The following FAT1 variants were observed in gnomAD, a reference collection of about 807,000 sequenced individuals.
FAT1 encodes FAT atypical cadherin 1, also known as protocadherin Fat 1.
A neutral mutation model predicts 329.8 loss-of-function variants in FAT1; 171 were observed. The observed-to-expected ratio is 0.52, with a 90% confidence interval of 0.46 to 0.59. The LOEUF (loss-of-function observed/expected upper bound fraction) is 0.59, where lower values mean the gene tolerates loss of function less well. FAT1 is among the 20% of genes least tolerant of loss of function. The pLI is 0.00. For missense variants in FAT1, 5,672 were observed against 5,774.4 expected (o/e 0.98, Z 0.57); for synonymous variants, 2,233 against 2,228.6 (o/e 1.00, Z -0.06).
rs189343266 is a variant in FAT1 at position 186,588,884 on chromosome 4, T to C, written c.13475A>G (p.Asn4492Ser). 75 of 1,613,872 alleles carry C rather than the reference T, an allele frequency of 4.6e-5. No individual in the cohort carries two copies. The African/African-American group carries it at 6.8e-4, about 15-fold the overall frequency. ...TTCAGACATATCGAGGGGATAAAAA[T>C]TGGGCAAATACTGATTCAAGTTGAA... ...QRFNLNQYLPNFYPLDMSEPQ... is the reference protein window; with the variant it reads ...QRFNLNQYLPSFYPLDMSEPQ... The change falls in exon 27 of 27, where the codon AAT becomes AGT. Residue 4492 changes from asparagine to serine, a missense_variant. Transcript: ENST00000441802.
At position 186,628,758 on chromosome 4, in the gene FAT1, G is replaced by A. The variant is rs2126545636; in HGVS notation, c.4329C>T (p.Phe1443=). ...DGTTTILTQV[F]IKVIDTNDHR... ...GGTCATTTGTGTCTATTACTTTGAT[G>A]AATACCTGTAATGGATGACAAAATG... is the stretch of plus-strand genomic sequence containing the variant. Residue 1443 remains phenylalanine (F), a synonymous_variant, in exon 8 of 27, where the codon TTC becomes TTT. Transcript: ENST00000441802. 2 of 1,611,948 alleles carry A rather than the reference G, an allele frequency of 1.2e-6. No homozygotes were observed. Among genetic ancestry groups the A allele is most frequent in the Non-Finnish European group, 1.7e-6 (2 of 1,179,330 alleles).
rs758955132 is a variant in FAT1 at position 186,588,612 on chromosome 4, G to A, written c.13747C>T (p.Gln4583Ter). Residue 4583 changes from glutamine to a stop codon, truncating the protein, a stop_gained, in exon 27 of 27, where the codon CAG (glutamine) becomes TAG (stop). Coordinates refer to ENST00000441802, the MANE Select transcript of FAT1 (RefSeq NM_005245.4). LOFTEE classifies it high-confidence loss of function. ...GAGAGTCAGACTTCCGTGTGCTGCT[G>A]GGAATCCAGGGGCGGGATCGTCACC... Reference protein sequence around the residue: ...EEVTIPPLDSQQHTEV With the variant: ...EEVTIPPLDS The A allele has an allele frequency of 1.2e-6, 2 of 1,612,348 alleles. No homozygotes were observed. The highest frequency in any genetic ancestry group is 1.3e-5 in the African/African-American group (1 of 75,022).
rs377022082 is a variant in FAT1 at position 186,720,532 on chromosome 4, AT to A, written c.-19+3131del. 9.6e-4 allele frequency among the ~76,000 whole-genome samples: 146 copies of A among 152,220 alleles called. 5 individuals carry two copies. The East Asian group carries it at 0.025, about 26-fold the overall frequency. On this transcript the variant is annotated intron_variant, in intron 1 of 26. Transcript: ENST00000441802. ...CCTCTGCTTGAATTGTTCCCCTCTG[AT>A]TCACACTTCCCTCAGAACTCACATT...
intron 3 of FAT1, among the ~76,000 whole-genome samples, chr4:186,655,241 T>C (rs772795418): frequency 3.9e-5 from 6 of 152,332 alleles, no homozygotes; most frequent in Admixed American, 3.9e-4. Context: ...ACTTTTCTGA[T>C]AAATTTATTT....
At chr4:186,674,309 G>C (rs1742853282) in intron 2 of FAT1, among the ~76,000 whole-genome samples, 1 of 152,196 alleles carries the variant, frequency 6.6e-6, no homozygotes, top group Admixed American at 6.5e-5. Flanking sequence ...TCATCTTAGA[G>C]CTTTACATCT....
At chr4:186,674,832 G>A (rs758551361) in intron 2 of FAT1, among the ~76,000 whole-genome samples, 6 of 152,002 alleles carry the variant, frequency 3.9e-5, no homozygotes, top group African/African-American at 1.2e-4. Context: ...CCAAGAGTTC[G>A]AGTACAGCCT....
rs1464116358 is a variant in FAT1 at position 186,621,573 on chromosome 4, T to C, written c.5013A>G (p.Glu1671=). Reference sequence around the variant, plus strand: ...CAGTTTCACTAAGTTCAACAGAATATTCTTTTGATGTAAACTTCGGAGAGG... The same window carrying C: ...CAGTTTCACTAAGTTCAACAGAATACTCTTTTGATGTAAACTTCGGAGAGG... ...DNASPKFTSK[E]YSVELSETVS... Residue 1671 remains glutamate, a synonymous_variant, in exon 10 of 27, where the codon GAA becomes GAG. Coordinates refer to ENST00000441802, the MANE Select transcript of FAT1 (RefSeq NM_005245.4). 6.2e-7 allele frequency: 1 copy of C among 1,613,892 alleles called. No individual in the cohort carries two copies. Among genetic ancestry groups the C allele is most frequent in the Non-Finnish European group, 8.5e-7 (1 of 1,179,902 alleles).
chr4:186,667,469 C>T (rs1379834259), intron 2 of FAT1, among the ~76,000 whole-genome samples: 1 of 152,222 alleles, frequency 6.6e-6, no homozygotes, highest in Non-Finnish European at 1.5e-5. Context: ...TTCATGAATT[C>T]ATGACTGTGT....
chr4:186,652,707 G>C (rs1463306177), intron 3 of FAT1, among the ~76,000 whole-genome samples: 1 of 151,954 alleles, frequency 6.6e-6, no homozygotes, highest in African/African-American at 2.4e-5. Context: ...GCTATCAAAT[G>C]TTACCGGAAA....
At chr4:186,624,976 A>G (rs1740228902) in intron 9 of FAT1, among the ~76,000 whole-genome samples, 1 of 152,212 alleles carries the variant, frequency 6.6e-6, no homozygotes, top group Non-Finnish European at 1.5e-5. Flanking sequence ...GCATCTTAAA[A>G]GTCCTAATTC....
At chr4:186,626,834 C>T (rs1433465902) in intron 9 of FAT1, among the ~76,000 whole-genome samples, 1 of 41,658 alleles carries the variant, frequency 2.4e-5, no homozygotes. Context: ...TGGCACCTGG[C>T]ACATAAAGTG....
At chr4:186,641,410 A>G (rs1341824677) in intron 3 of FAT1, among the ~76,000 whole-genome samples, 1 of 152,158 alleles carries the variant, frequency 6.6e-6, no homozygotes, top group Non-Finnish European at 1.5e-5. Flanking sequence ...TTCCCCAATC[A>G]AAAATGTACC....
intron 3 of FAT1, among the ~76,000 whole-genome samples, chr4:186,644,779 G>T (rs1328913002): frequency 1.3e-5 from 2 of 152,238 alleles, no homozygotes; most frequent in African/African-American, 4.8e-5. Flanking sequence ...TCGCGAAGCA[G>T]ATAGACGTAA....
intron 4 of FAT1, 39 bp from the exon 5 acceptor site, chr4:186,636,953 T>C (rs1330157215): frequency 6.6e-7 from 1 of 1,521,284 alleles, no homozygotes; most frequent in Non-Finnish European, 8.9e-7. Context: ...TGTTAAGATA[T>C]ACTATATAAA....
rs188292872 is a variant in FAT1, at chr4:186,645,900, C to T, written c.3581-6117G>A. On this transcript the variant is annotated intron_variant, in intron 3 of 26. Coordinates refer to ENST00000441802, the MANE Select transcript of FAT1 (RefSeq NM_005245.4). ...AGCCGAGGTTGCAGTGAGCTGAGGG[C>T]GGACCACTGCAATTGAGCTTAGGTT... Among the ~76,000 whole-genome samples the T allele has an allele frequency of 5.9e-5, 8 of 135,776 alleles. No homozygotes were observed. In the South Asian group the frequency reaches 1.4e-3, roughly 25 times the overall value. The allele number at this position is 135,776 out of a possible 152,430, so 89.1% of individuals were successfully genotyped here.
At chr4:186,666,612 A>G (rs1560978485) in intron 2 of FAT1, among the ~76,000 whole-genome samples, 1 of 152,230 alleles carries the variant, frequency 6.6e-6, no homozygotes, top group Non-Finnish European at 1.5e-5. Flanking sequence ...TTGAGTTCTA[A>G]TCCTCCAACA....
intron 1 of FAT1, among the ~76,000 whole-genome samples, chr4:186,721,859 T>TTTTTC (rs1291116638): frequency 6.6e-6 from 1 of 152,080 alleles, no homozygotes; most frequent in Admixed American, 6.5e-5. Context: ...TCTTCTCTTC[T>TTTTTC]TTTTCTTTTC....
rs776187573 is a variant in FAT1 at position 186,620,194 on chromosome 4, G to T, written c.6392C>A (p.Pro2131His). Residue 2131 changes from proline to histidine, a missense_variant, in exon 10 of 27, where the codon CCC (proline) becomes CAC (histidine). By Grantham distance (77) the Pro-to-His change is moderately conservative. This residue lies in a region of FAT1 where 3,966 missense variants were observed against 3,915.2 expected (regional missense o/e 1.01). Transcript: ENST00000441802. Reference protein sequence around the residue: ...KEHHEHFQIGPLGEISLKKQF... With the variant: ...KEHHEHFQIGHLGEISLKKQF... ...CTTTTTCAGTGAAATTTCACCCAAG[G>T]GTCCAATTTGAAAGTGTTCATGATG... The T allele has an allele frequency of 6.2e-7, 1 of 1,613,884 alleles. No individual in the cohort carries two copies. The highest frequency in any genetic ancestry group is 1.7e-5 in the Admixed American group (1 of 60,014).
intron 2 of FAT1, among the ~76,000 whole-genome samples, chr4:186,691,082 C>T (rs1005000601): frequency 1.5e-4 from 23 of 152,130 alleles, no homozygotes; most frequent in South Asian, 1.5e-3. Context: ...TAACGAGTAA[C>T]GGTAAAAAGT....
Sources: allele counts gnomAD v4.1 joint callset (sites outside exome capture counted in the v4.1 genomes callset), GRCh38; gene constraint gnomAD v4.1.1; regional missense constraint gnomAD v4.1.1; transcripts MANE v1.5; gene names NCBI Gene and HGNC (gene_info 2026-07-23, HGNC 2026-07-21).